Variants in KLHL29 observed in about 807,000 individuals in gnomAD.
KLHL29 encodes the protein kelch like family member 29.
A neutral mutation model predicts 80.4 loss-of-function variants in KLHL29; 21 were observed. The observed-to-expected ratio is 0.26, with a 90% CI of 0.19 to 0.38. KLHL29 has a LOEUF of 0.38. KLHL29 is among the 10% of genes least tolerant of loss of function. The probability of loss-of-function intolerance (pLI) is 1.00; values close to 1 mark genes in which losing one functional copy is unlikely to be tolerated. For synonymous variants in KLHL29, 511 were observed against 526.8 expected (o/e 0.97, Z 0.41); for missense variants, 867 against 1,223.9 (o/e 0.71, Z 4.35).
chr2:23,691,809 G>A lies in KLHL29; in HGVS notation c.1215G>A (p.Lys405=). Residue 405 remains lysine, a synonymous_variant, in exon 7 of 14, where the codon AAG becomes AAA. Coordinates refer to ENST00000486442, the MANE Select transcript of KLHL29 (RefSeq NM_052920.2). ...GSLVIDSANA[K]TLLEAASKFQ... ...TGGTCATCGACTCGGCCAACGCCAA[G>A]ACACTGCTGGAGGCGGCCAGCAAGT... 1 of 1,551,728 alleles carries A rather than the reference G, an allele frequency of 6.4e-7. No individual in the cohort carries two copies. Among genetic ancestry groups the A allele is most frequent in the Non-Finnish European group, 8.7e-7 (1 of 1,147,018 alleles).
intron 1 of KLHL29, among the ~76,000 whole-genome samples, chr2:23,445,375 T>C (rs1354365195): frequency 6.6e-6 from 1 of 152,230 alleles, no homozygotes; most frequent in Non-Finnish European, 1.5e-5. Context: ...ATGTCCTCTA[T>C]ATTCTTCTTC....
intron 1 of KLHL29, among the ~76,000 whole-genome samples, chr2:23,471,023 G>T (rs987137249): frequency 6.6e-6 from 1 of 152,220 alleles, no homozygotes; most frequent in South Asian, 2.1e-4. Flanking sequence ...CTGGGAGCAG[G>T]CGTTCCTGCC....
intron 1 of KLHL29, among the ~76,000 whole-genome samples, chr2:23,474,017 G>A (rs568958212): frequency 6.6e-6 from 1 of 152,066 alleles, no homozygotes; most frequent in East Asian, 1.9e-4. Context: ...TACTTAAACT[G>A]CACCACAGGC....
chr2:23,445,708 C>T (rs954615251), intron 1 of KLHL29, among the ~76,000 whole-genome samples: 1 of 152,234 alleles, frequency 6.6e-6, no homozygotes, highest in African/African-American at 2.4e-5. Context: ...TACCATTTTG[C>T]ATTCCCTCAG....
intron 2 of KLHL29, chr2:23,524,221 G>GCC: frequency 3.3e-6 from 1 of 302,354 alleles, no homozygotes; most frequent in Non-Finnish European, 6.8e-6. Flanking sequence ...AGGCCCAAGT[G>GCC]CCCGGCTCCT....
At chr2:23,490,568 C>T (rs1665068028) in intron 2 of KLHL29, among the ~76,000 whole-genome samples, 1 of 152,178 alleles carries the variant, frequency 6.6e-6, no homozygotes, top group Non-Finnish European at 1.5e-5. Context: ...CAAAAGCCCC[C>T]TTCTCAAACT....
rs747495903 is a variant in KLHL29, at chr2:23,695,626, G to A, written c.1546G>A (p.Ala516Thr). 18 of 1,549,324 alleles carry A rather than the reference G, an allele frequency of 1.2e-5. No individual in the cohort carries two copies. The highest frequency in any genetic ancestry group is 3.6e-5 in the South Asian group (3 of 83,798). The change falls in exon 9 of 14, where the codon GCG becomes ACG. Residue 516 changes from alanine to threonine, a missense_variant. This residue lies in a region of KLHL29 where 443 missense variants were observed against 767.0 expected (regional missense o/e 0.58). Transcript: ENST00000486442. The surrounding 1 kb of genome is among the most constrained non-coding windows in gnomAD (Gnocchi z 7.6). ...KKDPATRTQY[A>T]AELLAVVRLP... ...TTCTGTCTCCTGTACCCTGCAGTAC[G>A]CGGCTGAGCTCCTGGCCGTGGTCCG... is the stretch of plus-strand genomic sequence containing the variant.
intron 3 of KLHL29, among the ~76,000 whole-genome samples, chr2:23,597,303 A>ATGTGTGTGTGTGTGTG (rs1178808276): frequency 3.2e-4 from 26 of 82,204 alleles, no homozygotes; most frequent in Middle Eastern, 5.8e-3. Context: ...TCTCATATAT[A>ATGTGTGTGTGTGTGTG]TATATATGTG....
At position 23,642,848 on chromosome 2, in the gene KLHL29, G is replaced by T; in HGVS notation, c.938G>T (p.Arg313Ile). The T allele has an allele frequency of 6.5e-7, 1 of 1,550,386 alleles. No homozygotes were observed. The highest frequency in any genetic ancestry group is 1.4e-5 in the African/African-American group (1 of 73,150). ...KYEFTDPGHP[R>I]EMLKELNQQR... ...GAGTTCACCGACCCGGGGCACCCCA[G>T]AGGTAAGTCCTGCTGCCACGTGCCT... The change falls in exon 5 of 14, where the codon AGA (arginine) becomes ATA (isoleucine). Residue 313 changes from arginine to isoleucine, a missense_variant and splice_region_variant. Arg to Ile is a moderately conservative substitution (Grantham distance 97, BLOSUM62 -3). This residue lies in a region of KLHL29 where 424 missense variants were observed against 456.9 expected (regional missense o/e 0.93). Coordinates refer to ENST00000486442, the MANE Select transcript of KLHL29 (RefSeq NM_052920.2).
chr2:23,486,936 A>T (rs1031690887), intron 2 of KLHL29, among the ~76,000 whole-genome samples: 1 of 152,190 alleles, frequency 6.6e-6, no homozygotes, highest in Non-Finnish European at 1.5e-5. Context: ...AGCAACTTGC[A>T]TGCACTTTCT....
intron 2 of KLHL29, among the ~76,000 whole-genome samples, chr2:23,485,358 TC>T (rs1346294546): frequency 5.9e-5 from 9 of 152,210 alleles, no homozygotes; most frequent in Non-Finnish European, 1.2e-4. Flanking sequence ...CTAAAGTGGC[TC>T]CTTTAACCTG....
At chr2:23,421,225 T>C (rs1237006939) in intron 1 of KLHL29, among the ~76,000 whole-genome samples, 1 of 152,256 alleles carries the variant, frequency 6.6e-6, no homozygotes, top group Non-Finnish European at 1.5e-5. Context: ...TGCTAGACAA[T>C]GGTTGGCACC....
chr2:23,419,601 C>T (rs377324518), intron 1 of KLHL29, among the ~76,000 whole-genome samples: 17 of 152,298 alleles, frequency 1.1e-4, no homozygotes, highest in East Asian at 5.8e-4. Flanking sequence ...AGTATGTCCT[C>T]GCTCTATTCA....
chr2:23,688,674 AG>A (rs1339171480), intron 6 of KLHL29: 1 of 151,074 alleles, frequency 6.6e-6, no homozygotes, highest in East Asian at 2.0e-4. Flanking sequence ...GTGGCTGGGG[AG>A]CACCAGCCTG....
chr2:23,537,897 G>A (rs1666720594), intron 2 of KLHL29, among the ~76,000 whole-genome samples: 1 of 152,186 alleles, frequency 6.6e-6, no homozygotes, highest in African/African-American at 2.4e-5. Flanking sequence ...CAGGATTCAT[G>A]CCACAGCCTT....
At chr2:23,568,368 C>G (rs1667640811) in intron 3 of KLHL29, among the ~76,000 whole-genome samples, 1 of 152,178 alleles carries the variant, frequency 6.6e-6, no homozygotes, top group Non-Finnish European at 1.5e-5. Context: ...TCTGGGCTGG[C>G]TCAGCTGATC....
chr2:23,394,642 TAAAA>T (rs901183651), intron 1 of KLHL29, among the ~76,000 whole-genome samples: 2 of 152,172 alleles, frequency 1.3e-5, no homozygotes, highest in Non-Finnish European at 2.9e-5. Context: ...CTTATTTGAA[TAAAA>T]AAATCATATG....
At chr2:23,676,215 C>G (rs1450304381) in intron 5 of KLHL29, among the ~76,000 whole-genome samples, 1 of 151,816 alleles carries the variant, frequency 6.6e-6, no homozygotes, top group Non-Finnish European at 1.5e-5. Flanking sequence ...ACAGAGTCTG[C>G]TCTGTCGCCT....
intron 2 of KLHL29, among the ~76,000 whole-genome samples, chr2:23,555,954 G>A (rs1191407419): frequency 2.0e-5 from 3 of 152,228 alleles, no homozygotes; most frequent in Non-Finnish European, 2.9e-5. Flanking sequence ...GTGCACCTGT[G>A]TGCATTGAGA....
Sources: gnomAD v4.1 joint callset for allele counts (sites outside exome capture counted in the v4.1 genomes callset) on GRCh38, gnomAD v4.1.1 for gene constraint, gnomAD v4.1.1 regional missense constraint, Gnocchi (gnomAD v3.1) non-coding constraint, MANE v1.5 for transcripts, NCBI Gene and HGNC (gene_info 2026-07-23, HGNC 2026-07-21) for gene names.